Variants in PTPN13 observed in about 807,000 individuals in gnomAD.
PTPN13 encodes tyrosine-protein phosphatase non-receptor type 13.
Under a neutral mutation model 284.0 loss-of-function variants are expected in PTPN13, and 191 were observed. That is an observed-to-expected ratio of 0.67 (90% confidence interval 0.60 to 0.76). The LOEUF (loss-of-function observed/expected upper bound fraction) is 0.76. Ranked by LOEUF, PTPN13 falls within the 30% of genes least tolerant of loss-of-function variation. The probability of loss-of-function intolerance (pLI) is 0.00; values close to 1 mark genes in which losing one functional copy is unlikely to be tolerated. For synonymous variants in PTPN13, 986 were observed against 1,022.3 expected, an observed-to-expected ratio of 0.96 and a Z score of 0.68; for missense variants, 2,797 against 2,939.9, an observed-to-expected ratio of 0.95 and a Z score of 1.12.
chr4:86,714,720 A>G (rs1732820220), intron 7 of PTPN13, among the ~76,000 whole-genome samples: 1 of 152,194 alleles, frequency 6.6e-6, no homozygotes, highest in Non-Finnish European at 1.5e-5. Flanking sequence ...AATGACCTTT[A>G]TATACCACTT....
chr4:86,715,460 C>T lies in PTPN13; in HGVS notation c.1196-1070C>T, dbSNP rs533161479. Among the ~76,000 whole-genome samples, 113 of 152,270 alleles carry T rather than the reference C, an allele frequency of 7.4e-4. 2 individuals carry two copies. The South Asian group carries it at 0.023, about 31-fold the overall frequency. On this transcript the variant is annotated intron_variant, in intron 7 of 47. Coordinates refer to ENST00000411767, the MANE Select transcript of PTPN13 (RefSeq NM_080683.3). ...TGTAGTTGGGAGCCAGGCGTGGTGG[C>T]ACATGCTTCTAGTCCCAGCTACTTG... is the stretch of plus-strand genomic sequence containing the variant.
intron 15 of PTPN13, among the ~76,000 whole-genome samples, chr4:86,737,576 C>T (rs1735666887): frequency 6.6e-6 from 1 of 151,906 alleles, no homozygotes; most frequent in Non-Finnish European, 1.5e-5. Flanking sequence ...CATAAAGCTC[C>T]CTCTTGTCTC....
intron 23 of PTPN13, 37 bp from the exon 24 acceptor site, chr4:86,762,690 T>A: frequency 6.8e-7 from 1 of 1,467,290 alleles, no homozygotes; most frequent in Non-Finnish European, 9.4e-7. Context: ...CGTGTATCAC[T>A]AACTTGTTAC....
chr4:86,770,197 T>C lies in PTPN13; in HGVS notation c.4801T>C (p.Leu1601=), dbSNP rs759321095. ...GCTACCGGAAATTGATACTGCGCTTTTGGTGAGACTTATGAAAAGTAATTT... is the reference window on the plus strand; with the variant it reads ...GCTACCGGAAATTGATACTGCGCTTCTGGTGAGACTTATGAAAAGTAATTT... ...GVLPEIDTAL[L]TPLQSPAQVL... Residue 1601 remains leucine, a splice_region_variant and synonymous_variant, in exon 30 of 48, where the codon TTG becomes CTG. Transcript: ENST00000411767. 2 of 1,611,040 alleles carry C rather than the reference T, an allele frequency of 1.2e-6. No individual in the cohort carries two copies. Among genetic ancestry groups the C allele is most frequent in the South Asian group, 2.2e-5 (2 of 90,796 alleles).
Position 86,775,240 on chromosome 4 carries a change from ACAGT to A in PTPN13, c.5582_5585del (p.Val1861AspfsTer2), listed in dbSNP as rs766669150. ...TAATCTGCTCCGGGCTGCATCCAAA[ACAGT>A]CAGATTAGTTATTGGACGAGTTCTA... On this transcript the variant is annotated frameshift_variant, in exon 34 of 48. Coordinates refer to ENST00000411767, the MANE Select transcript of PTPN13 (RefSeq NM_080683.3). LOFTEE classifies it high-confidence loss of function. 6.2e-7 allele frequency: 1 copy of A among 1,613,634 alleles called. No individual in the cohort carries two copies. Among genetic ancestry groups the A allele is most frequent in the East Asian group, 2.2e-5 (1 of 44,870 alleles).
At position 86,769,924 on chromosome 4, in the gene PTPN13, G is replaced by A. The variant is rs766306338; in HGVS notation, c.4645G>A (p.Asp1549Asn). The part of the protein sequence containing the change: ...GQPAAESGKI[D>N]VGDVILKVNG... ...GCCAGCAGCAGAAAGTGGAAAAATTGATGTAGGAGATGTTATCTTGAAAGT... is the reference window on the plus strand; with the variant it reads ...GCCAGCAGCAGAAAGTGGAAAAATTAATGTAGGAGATGTTATCTTGAAAGT... Residue 1549 changes from aspartate (D) to asparagine (N), a missense_variant, in exon 29 of 48, where the codon GAT becomes AAT. Asp to Asn is a conservative substitution (Grantham distance 23). Transcript: ENST00000411767. 2 of 1,613,986 alleles carry A rather than the reference G, an allele frequency of 1.2e-6. No individual in the cohort carries two copies. Among genetic ancestry groups the A allele is most frequent in the East Asian group, 2.2e-5 (1 of 44,866 alleles).
At chr4:86,722,725 T>G (rs1205551385) in intron 10 of PTPN13, among the ~76,000 whole-genome samples, 1 of 152,204 alleles carries the variant, frequency 6.6e-6, no homozygotes, top group East Asian at 1.9e-4. Flanking sequence ...CTATCTTCAT[T>G]ATTGTGGGGG....
At chr4:86,775,130 A>G in intron 33 of PTPN13, 41 bp from the exon 34 acceptor site, 1 of 1,461,102 alleles carries the variant, frequency 6.8e-7, no homozygotes. Context: ...TCTCTTTTCT[A>G]AAAATTGTGA....
chr4:86,635,341 G>T lies in PTPN13; in HGVS notation c.85G>T (p.Ala29Ser), dbSNP rs1722892378. The change falls in exon 2 of 48, where the codon GCT becomes TCT. Residue 29 changes from alanine (A) to serine (S), a missense_variant. By Grantham distance (99) the Ala-to-Ser change is moderately conservative (BLOSUM62 1). Coordinates refer to ENST00000411767, the MANE Select transcript of PTPN13 (RefSeq NM_080683.3). ...AATATGGGCTGTATTAAATCAAAGT[G>T]CTGAAAGTCTCCAAGAATTATTCAG... is the stretch of plus-strand genomic sequence containing the variant. ...EEIWAVLNQSAESLQELFRKV... is the reference protein window; with the variant it reads ...EEIWAVLNQSSESLQELFRKV... 6.2e-7 allele frequency: 1 copy of T among 1,603,568 alleles called. No individual in the cohort carries two copies. Among genetic ancestry groups the T allele is most frequent in the African/African-American group, 1.3e-5 (1 of 74,770 alleles).
intron 47 of PTPN13, 72 bp downstream of exon 47, chr4:86,811,180 C>G: frequency 1.4e-6 from 2 of 1,403,448 alleles, no homozygotes; most frequent in Non-Finnish European, 9.6e-7. Context: ...TCTTATTAAA[C>G]CATTTTTCTT....
In PTPN13 at chr4:86,729,347, T is replaced by C. The variant is rs185756150; in HGVS notation, c.1609-3053T>C. Reference sequence around the variant, plus strand: ...GATTGTTCTTCTCAAGGAGTATCTTTGTGGTGTTCTCTTTATTTCCTGAAT... The same window carrying C: ...GATTGTTCTTCTCAAGGAGTATCTTCGTGGTGTTCTCTTTATTTCCTGAAT... On this transcript the variant is annotated intron_variant, in intron 10 of 47. Transcript: ENST00000411767. 3.3e-5 allele frequency among the ~76,000 whole-genome samples: 5 copies of C among 149,466 alleles called. 1 individual carries two copies. The highest frequency in any genetic ancestry group is 1.2e-4 in the African/African-American group (5 of 41,084).
At chr4:86,699,304 T>G (rs1730892499) in intron 6 of PTPN13, among the ~76,000 whole-genome samples, 1 of 151,644 alleles carries the variant, frequency 6.6e-6, no homozygotes, top group African/African-American at 2.4e-5. Flanking sequence ...GAGAATGGCG[T>G]GAACCTGGGA....
At chr4:86,810,972 C>A in intron 46 of PTPN13, 74 bp from the exon 47 acceptor site, 2 of 1,418,528 alleles carry the variant, frequency 1.4e-6, no homozygotes, top group Non-Finnish European at 2.0e-6. Flanking sequence ...ACATAAGCCT[C>A]CCCTCTGTGA....
At chr4:86,809,175 A>T (rs1427349531) in intron 45 of PTPN13, among the ~76,000 whole-genome samples, 1 of 152,176 alleles carries the variant, frequency 6.6e-6, no homozygotes, top group East Asian at 1.9e-4. Flanking sequence ...TCTGACTTTT[A>T]TCTGAGGTGC....
chr4:86,782,444 C>G (rs1418372313), intron 37 of PTPN13, among the ~76,000 whole-genome samples, 182 bp downstream of exon 37: 1 of 152,160 alleles, frequency 6.6e-6, no homozygotes, highest in African/African-American at 2.4e-5. Context: ...AACATAGAGC[C>G]TCACATAGGT....
At chr4:86,811,136 G>GA (rs753847797) in intron 47 of PTPN13, 28 bp downstream of exon 47, 1 of 1,583,004 alleles carries the variant, frequency 6.3e-7, no homozygotes. Flanking sequence ...CTCCTAATGA[G>GA]AATTTTTGTA....
chr4:86,694,524 G>A (rs1321596040), intron 6 of PTPN13, among the ~76,000 whole-genome samples: 2 of 134,592 alleles, frequency 1.5e-5, no homozygotes, highest in Non-Finnish European at 3.1e-5. Flanking sequence ...GTTGCAGTTA[G>A]CCGAGATCAC....
intron 6 of PTPN13, 112 bp downstream of exon 6, chr4:86,693,786 C>T (rs1015557730): frequency 2.7e-5 from 17 of 637,516 alleles, no homozygotes; most frequent in South Asian, 3.8e-5. Flanking sequence ...ATGATTAGAA[C>T]GTAAACGTAC....
chr4:86,814,498 A>G lies in PTPN13; in HGVS notation c.7405A>G (p.Thr2469Ala). The G allele has an allele frequency of 6.2e-7, 1 of 1,612,934 alleles. No individual in the cohort carries two copies. The highest frequency in any genetic ancestry group is 1.1e-5 in the South Asian group (1 of 91,040). Residue 2469 changes from threonine (T) to alanine (A), a missense_variant, in exon 48 of 48, where the codon ACA becomes GCA. Transcript: ENST00000411767. The part of the protein sequence containing the change: ...FCYQVILYVL[T>A]RLQAEEEQKQ... ...CTATCAAGTCATCCTTTATGTCCTG[A>G]CACGTCTTCAAGCAGAAGAAGAGCA...
Sources: gnomAD v4.1 joint callset for allele counts (sites outside exome capture counted in the v4.1 genomes callset) on GRCh38, gnomAD v4.1.1 for gene constraint, MANE v1.5 for transcripts, NCBI Gene and HGNC (gene_info 2026-07-23, HGNC 2026-07-21) for gene names.